The following DCAF8L2 variants were observed in gnomAD, a reference collection of about 807,000 sequenced individuals.
DCAF8L2 encodes the protein DDB1- and CUL4-associated factor 8-like protein 2.
For missense variants in DCAF8L2, 430 were observed against 490.7 expected, an observed-to-expected ratio of 0.88 and a Z score of 1.17; for synonymous variants, 200 against 190.9, an observed-to-expected ratio of 1.05 and a Z score of -0.39.
intron 4 of DCAF8L2, among the ~76,000 whole-genome samples, chrX:27,728,829 C>T (rs992968609): frequency 1.8e-5 from 2 of 111,776 alleles, no homozygotes; most frequent in Non-Finnish European, 3.8e-5. Flanking sequence ...TCCAGTCATT[C>T]CTATCCTTAT....
At chrX:27,484,739 CA>C in the DCAF8L2 span, among the ~76,000 whole-genome samples, 1 of 111,225 alleles carries the variant, frequency 9.0e-6, no homozygotes, top group African/African-American at 3.3e-5. Context: ...ACAGTGTGTG[CA>C]TTATATATAA....
chrX:27,741,496 G>A (rs1323228743), intron 4 of DCAF8L2, among the ~76,000 whole-genome samples: 2 of 105,330 alleles, frequency 1.9e-5, no homozygotes, highest in Non-Finnish European at 3.9e-5. Flanking sequence ...CTCACTTATC[G>A]GAGAGCAGCA....
chrX:27,614,791 A>C (rs993752455), intron 1 of DCAF8L2, among the ~76,000 whole-genome samples: 7 of 111,221 alleles, frequency 6.3e-5, no homozygotes, highest in African/African-American at 2.3e-4. Context: ...CCTGAGTTCT[A>C]ATTTGATTGC....
At chrX:27,626,715 G>A (rs919596316) in intron 1 of DCAF8L2, among the ~76,000 whole-genome samples, 1 of 111,925 alleles carries the variant, frequency 8.9e-6, no homozygotes, top group African/African-American at 3.2e-5. Flanking sequence ...TTATCAAGAA[G>A]TCTAAGTAAC....
chrX:27,702,141 A>C (rs1471834473), intron 3 of DCAF8L2, among the ~76,000 whole-genome samples: 1 of 111,089 alleles, frequency 9.0e-6, no homozygotes, highest in Non-Finnish European at 1.9e-5. Flanking sequence ...AAATGACTGA[A>C]ACTGACTCAA....
chrX:27,613,156 G>A (rs1358900568), intron 1 of DCAF8L2, among the ~76,000 whole-genome samples: 8 of 111,157 alleles, frequency 7.2e-5, no homozygotes, highest in Non-Finnish European at 1.1e-4. Flanking sequence ...TCCTTGAAGA[G>A]GTCCTTCACA....
chrX:27,678,190 G>A lies in DCAF8L2; in HGVS notation c.-143+278G>A, dbSNP rs185708437. 4.1e-3 allele frequency among the ~76,000 whole-genome samples: 462 copies of A among 111,619 alleles called. 1 individual carries two copies. The highest frequency in any genetic ancestry group is 7.5e-3 in the Non-Finnish European group (399 of 53,015). On this transcript the variant is annotated intron_variant, in intron 3 of 4. Transcript: ENST00000451261. ...CTATGTTTTGGAGGAAAGACAAAAC[G>A]TTTTATTTTATTTTATTTTGAAGTG...
intron 3 of DCAF8L2, among the ~76,000 whole-genome samples, chrX:27,682,727 C>T (rs1930370354): frequency 9.1e-6 from 1 of 110,240 alleles, no homozygotes; most frequent in African/African-American, 3.3e-5. Context: ...GTTTAAGCTG[C>T]CAAGAGTCTT....
the DCAF8L2 span, chrX:27,518,131 C>A: frequency 2.2e-6 from 2 of 913,191 alleles, no homozygotes; most frequent in Non-Finnish European, 3.2e-6. Context: ...ACTCTTCTTG[C>A]AAGTTTAAGA....
intron 2 of DCAF8L2, among the ~76,000 whole-genome samples, chrX:27,675,079 A>T (rs2147232923): frequency 8.9e-6 from 1 of 112,105 alleles, no homozygotes; most frequent in East Asian, 2.8e-4. Flanking sequence ...AAACTCTAAA[A>T]ATGTGAAATT....
In DCAF8L2 at chrX:27,649,017, C is replaced by T. The variant is rs187435661; in HGVS notation, c.-220+17017C>T. Among the ~76,000 whole-genome samples, 36 of 111,422 alleles carry T rather than the reference C, an allele frequency of 3.2e-4. 1 individual carries two copies. Among genetic ancestry groups the T allele is most frequent in the African/African-American group, 1.2e-3 (36 of 30,808 alleles). ...TGTTTAAAACATACTGATGTCTGGG[C>T]CCCAGCCCAGACACTTATAAGTGAG... On this transcript the variant is annotated intron_variant, in intron 2 of 4. Transcript: ENST00000451261.
At chrX:27,687,005 A>T (rs1309567564) in intron 3 of DCAF8L2, among the ~76,000 whole-genome samples, 2 of 111,812 alleles carry the variant, frequency 1.8e-5, no homozygotes, top group Non-Finnish European at 3.8e-5. Flanking sequence ...TCAGGCAGTA[A>T]TGCTCCCTGG....
chrX:27,505,463 T>C, the DCAF8L2 span, among the ~76,000 whole-genome samples: 1 of 112,236 alleles, frequency 8.9e-6, no homozygotes, highest in Non-Finnish European at 1.9e-5. Context: ...TACTTACTGA[T>C]TTCAGTTTAT....
intron 3 of DCAF8L2, among the ~76,000 whole-genome samples, chrX:27,681,187 C>T (rs1480808333): frequency 1.8e-5 from 2 of 108,523 alleles, no homozygotes; most frequent in African/African-American, 6.9e-5. Context: ...CAGTTTATAG[C>T]AAAGGCAGAA....
At chrX:27,702,431 G>T (rs990398955) in intron 3 of DCAF8L2, among the ~76,000 whole-genome samples, 7 of 88,378 alleles carry the variant, frequency 7.9e-5, no homozygotes, top group Admixed American at 2.4e-4. Flanking sequence ...TATTCCTTAT[G>T]AATATAGATC....
chrX:27,522,559 A>G, the DCAF8L2 span, among the ~76,000 whole-genome samples: 1 of 111,855 alleles, frequency 8.9e-6, no homozygotes, highest in African/African-American at 3.2e-5. Context: ...GAACTTCTTC[A>G]TTTTAAATAA....
At chrX:27,564,774 GAAC>G in the DCAF8L2 span, among the ~76,000 whole-genome samples, 1 of 109,861 alleles carries the variant, frequency 9.1e-6, no homozygotes, top group Non-Finnish European at 1.9e-5. Context: ...TGTCTATAAT[GAAC>G]AACTAGTAAT....
At chrX:27,715,465 T>A (rs185713874) in intron 3 of DCAF8L2, among the ~76,000 whole-genome samples, 95 of 110,186 alleles carry the variant, frequency 8.6e-4, no homozygotes, top group African/African-American at 3.0e-3. Flanking sequence ...TTTAACTCAA[T>A]GGTTAAGAGC....
chrX:27,637,495 C>T (rs1928549589), intron 2 of DCAF8L2, among the ~76,000 whole-genome samples: 1 of 111,959 alleles, frequency 8.9e-6, no homozygotes, highest in Non-Finnish European at 1.9e-5. Flanking sequence ...TGGGCATGTG[C>T]CAACCAGGAC....
Sources: gnomAD v4.1 joint callset for allele counts (sites outside exome capture counted in the v4.1 genomes callset) on GRCh38, gnomAD v4.1.1 for gene constraint, MANE v1.5 for transcripts, NCBI Gene and HGNC (gene_info 2026-07-23, HGNC 2026-07-21) for gene names.